The following LINGO2 variants were observed in gnomAD, a reference collection of about 807,000 sequenced individuals.
The protein encoded by LINGO2 is leucine rich repeat and Ig domain containing 2.
Under a neutral mutation model 30.6 loss-of-function variants are expected in LINGO2, and 14 were observed. That is an observed-to-expected ratio of 0.46 (90% CI 0.30 to 0.72). The LOEUF (loss-of-function observed/expected upper bound fraction) is 0.72. LINGO2 is among the 30% of genes least tolerant of loss of function. The probability of loss-of-function intolerance (pLI) is 0.07; values close to 1 mark genes in which losing one functional copy is unlikely to be tolerated. For missense variants in LINGO2, 729 were observed against 751.7 expected, an observed-to-expected ratio of 0.97 and a Z score of 0.35; for synonymous variants, 317 against 288.5, an observed-to-expected ratio of 1.10 and a Z score of -1.00.
chr9:28,531,124 C>G (rs1437045248), intron 1 of LINGO2, among the ~76,000 whole-genome samples: 3 of 150,426 alleles, frequency 2.0e-5, no homozygotes, highest in Non-Finnish European at 4.4e-5. Context: ...GCAACCCTAA[C>G]AGTAACTGAA....
chr9:28,039,137 C>T (rs1824083524), intron 4 of LINGO2, among the ~76,000 whole-genome samples: 1 of 152,138 alleles, frequency 6.6e-6, no homozygotes, highest in Admixed American at 6.5e-5. Flanking sequence ...AACAATTGTT[C>T]CTCTGGCTCA....
chr9:27,957,224 C>T (rs1207725975), intron 5 of LINGO2, among the ~76,000 whole-genome samples: 3 of 152,172 alleles, frequency 2.0e-5, no homozygotes, highest in Non-Finnish European at 2.9e-5. Flanking sequence ...TTCTGCTCCA[C>T]CAGAATAGAT....
chr9:29,147,559 T>G, the LINGO2 span, among the ~76,000 whole-genome samples: 1 of 152,084 alleles, frequency 6.6e-6, no homozygotes, highest in African/African-American at 2.4e-5. Flanking sequence ...CCAGAAACAA[T>G]GCCTATACAT....
intron 1 of LINGO2, among the ~76,000 whole-genome samples, chr9:28,487,538 C>T (rs1587740749): frequency 6.6e-6 from 1 of 152,270 alleles, no homozygotes; most frequent in African/African-American, 2.4e-5. Context: ...AATCAATTCT[C>T]CCATGGAACA....
intron 4 of LINGO2, among the ~76,000 whole-genome samples, chr9:28,068,300 C>T (rs1221724685): frequency 6.6e-6 from 1 of 152,084 alleles, no homozygotes; most frequent in Non-Finnish European, 1.5e-5. Flanking sequence ...TTTTTAAGAC[C>T]TCTTCTCTTG....
At chr9:28,776,923 G>A in the LINGO2 span, among the ~76,000 whole-genome samples, 1 of 151,940 alleles carries the variant, frequency 6.6e-6, no homozygotes, top group Non-Finnish European at 1.5e-5. Flanking sequence ...CAAATTGTAG[G>A]AGTGGCCTGG....
chr9:28,111,655 G>A (rs1486597245), intron 4 of LINGO2, among the ~76,000 whole-genome samples: 1 of 152,088 alleles, frequency 6.6e-6, no homozygotes, highest in African/African-American at 2.4e-5. Context: ...CTTAAAATCA[G>A]GAAAGGGGAG....
chr9:28,286,704 C>T (rs552043822), intron 4 of LINGO2, among the ~76,000 whole-genome samples: 2 of 152,230 alleles, frequency 1.3e-5, no homozygotes, highest in South Asian at 2.1e-4. Context: ...CAAACTAACA[C>T]AGGAATAGAA....
At chr9:28,619,489 A>C (rs1826293601) in intron 1 of LINGO2, among the ~76,000 whole-genome samples, 1 of 152,152 alleles carries the variant, frequency 6.6e-6, no homozygotes, top group Admixed American at 6.5e-5. Flanking sequence ...ACGATGAATA[A>C]GATACTGAAT....
chr9:29,025,524 A>G, the LINGO2 span, among the ~76,000 whole-genome samples: 15 of 152,132 alleles, frequency 9.9e-5, 1 homozygote, highest in Admixed American at 9.2e-4. Context: ...AGATACTTCT[A>G]TGACTTTTTG....
At chr9:29,136,062 T>G in the LINGO2 span, among the ~76,000 whole-genome samples, 1 of 152,230 alleles carries the variant, frequency 6.6e-6, no homozygotes. Context: ...CAGTTTGAGA[T>G]GCCTCTCACT....
chr9:28,740,567 T>C, the LINGO2 span, among the ~76,000 whole-genome samples: 1 of 139,198 alleles, frequency 7.2e-6, no homozygotes, highest in Non-Finnish European at 1.6e-5. Flanking sequence ...TTGTTTTCTG[T>C]TTGTCTCAAA....
chr9:28,812,072 A>AT, the LINGO2 span, among the ~76,000 whole-genome samples: 2,672 of 147,198 alleles, frequency 0.018, 70 homozygotes, highest in African/African-American at 0.057. Context: ...TCTTGTGGCA[A>AT]TTTTTTTTTT....
intron 5 of LINGO2, among the ~76,000 whole-genome samples, chr9:27,954,725 A>G (rs1485729649): frequency 6.6e-6 from 1 of 152,188 alleles, no homozygotes; most frequent in Non-Finnish European, 1.5e-5. Flanking sequence ...GACATACCCA[A>G]GACTGGGAAG....
At chr9:29,030,779 T>C in the LINGO2 span, among the ~76,000 whole-genome samples, 1 of 152,188 alleles carries the variant, frequency 6.6e-6, no homozygotes, top group Admixed American at 6.6e-5. Context: ...GGGAAATACT[T>C]TGAGACTGGG....
At chr9:28,905,031 C>G in the LINGO2 span, among the ~76,000 whole-genome samples, 2 of 151,866 alleles carry the variant, frequency 1.3e-5, no homozygotes, top group Non-Finnish European at 2.9e-5. Flanking sequence ...GGGCAAAGAA[C>G]AGTCTCTTCA....
intron 4 of LINGO2, among the ~76,000 whole-genome samples, chr9:28,034,055 C>T (rs986758943): frequency 6.6e-6 from 1 of 152,184 alleles, no homozygotes; most frequent in African/African-American, 2.4e-5. Flanking sequence ...CTGGAGGTCT[C>T]GGGCCCTCCT....
intron 1 of LINGO2, among the ~76,000 whole-genome samples, chr9:28,522,885 G>GAAAAAA (rs918213668): frequency 6.9e-6 from 1 of 144,480 alleles, no homozygotes; most frequent in Non-Finnish European, 1.5e-5. Context: ...GTAGAAATCA[G>GAAAAAA]AAAAAAAAAA....
intron 2 of LINGO2, among the ~76,000 whole-genome samples, chr9:28,431,677 TC>T (rs1239380375): frequency 2.0e-5 from 3 of 152,190 alleles, no homozygotes; most frequent in Non-Finnish European, 4.4e-5. Flanking sequence ...TCATGGCAGT[TC>T]CTTGCAGTAT....
Sources: allele counts gnomAD v4.1 joint callset (sites outside exome capture counted in the v4.1 genomes callset), GRCh38; gene constraint gnomAD v4.1.1; transcripts MANE v1.5; gene names NCBI Gene and HGNC (gene_info 2026-07-23, HGNC 2026-07-21).